LITAF: variants seen among roughly 807,000 people sequenced by gnomAD.
The protein encoded by LITAF is lipopolysaccharide-induced tumor necrosis factor-alpha factor.
A neutral mutation model predicts 14.5 loss-of-function variants in LITAF; 9 were observed. The ratio of observed to expected loss-of-function variants is 0.62; its 90% CI spans 0.37 to 1.08. The LOEUF is 1.08. Ranked by LOEUF, LITAF falls within the 50% of genes least tolerant of loss-of-function variation. LITAF has a pLI of 0.01. For synonymous variants in LITAF, 98 were observed against 88.2 expected, an observed-to-expected ratio of 1.11 and a Z score of -0.62; for missense variants, 206 against 213.4, an observed-to-expected ratio of 0.97 and a Z score of 0.22.
upstream of LITAF, among the ~76,000 whole-genome samples, chr16:11,601,541 C>T (rs1005718086): frequency 3.3e-5 from 5 of 152,072 alleles, no homozygotes; most frequent in East Asian, 9.6e-4. Context: ...CTGGTTCCTA[C>T]AAGGAAACAC....
Position 11,554,033 on chromosome 16 carries a change from T to G in LITAF, c.221-344A>C, listed in dbSNP as rs188433573. On this transcript the variant is annotated intron_variant, in intron 2 of 3. Coordinates refer to ENST00000622633, the MANE Select transcript of LITAF (RefSeq NM_001136472.2). ...ACTGCTTGAGCCTAGGAGTTTGAGA[T>G]CAGCCTAGGCAACATGACAAGACCT... Among the ~76,000 whole-genome samples the G allele has an allele frequency of 2.9e-4, 44 of 151,786 alleles. No homozygotes were observed. In the East Asian group the frequency reaches 8.6e-3, roughly 30 times the overall value.
At chr16:11,637,589 A>C (rs990714290), upstream of LITAF, among the ~76,000 whole-genome samples, 3 of 152,382 alleles carry the variant, frequency 2.0e-5, no homozygotes, top group Non-Finnish European at 4.4e-5. Flanking sequence ...CAGCACGTGC[A>C]CAAGCCTGCT....
At chr16:11,616,595 G>A (rs936605488) in intron 3 of LITAF, among the ~76,000 whole-genome samples, 2 of 152,040 alleles carry the variant, frequency 1.3e-5, no homozygotes, top group African/African-American at 4.8e-5. Context: ...AGCTCTGTCA[G>A]GTACGTGAGG....
rs780745690 is a variant in LITAF at position 11,548,050 on chromosome 16, C to T, written c.*1587G>A. ...TTCAAAAGCAGGTAACACCAAAGTA[C>T]TATGTGGTATCCATATTCGTTGCAA... On this transcript the variant is annotated 3_prime_UTR_variant, in exon 4 of 4. Transcript: ENST00000622633. The T allele has an allele frequency of 2.2e-6, 1 of 454,102 alleles. No individual in the cohort carries two copies. The highest frequency in any genetic ancestry group is 1.6e-5 in the South Asian group (1 of 64,482). 28.1% of individuals were successfully genotyped at this position (454,102 alleles called of 1,614,324 possible).
intron 3 of LITAF, among the ~76,000 whole-genome samples, chr16:11,550,339 C>G (rs2064164667): frequency 6.6e-6 from 1 of 152,224 alleles, no homozygotes; most frequent in Non-Finnish European, 1.5e-5. Flanking sequence ...ATCCACCCGC[C>G]TTGGCCTCCC....
chr16:11,611,880 G>T (rs2064984071), intron 3 of LITAF, among the ~76,000 whole-genome samples: 1 of 152,094 alleles, frequency 6.6e-6, no homozygotes, highest in Admixed American at 6.6e-5. Flanking sequence ...GTCCAGGCTG[G>T]TCTCAAACTC....
chr16:11,569,994 C>T (rs2064516573), intron 1 of LITAF, among the ~76,000 whole-genome samples: 1 of 151,054 alleles, frequency 6.6e-6, no homozygotes, highest in Non-Finnish European at 1.5e-5. Context: ...CGCACTGCTG[C>T]ACTCCCGCCT....
At chr16:11,639,223 G>A (rs1454788321), upstream of LITAF, among the ~76,000 whole-genome samples, 2 of 151,382 alleles carry the variant, frequency 1.3e-5, no homozygotes, top group Non-Finnish European at 2.9e-5. Context: ...ATGGTTAGAG[G>A]GAGAGAGGGA....
At chr16:11,602,360 A>G (rs889500806), upstream of LITAF, among the ~76,000 whole-genome samples, 7 of 152,170 alleles carry the variant, frequency 4.6e-5, no homozygotes, top group African/African-American at 1.7e-4. Flanking sequence ...CGTCTCAAAA[A>G]TATATAAATA....
intron 3 of LITAF, among the ~76,000 whole-genome samples, chr16:11,607,958 CTG>C (rs1189710538): frequency 6.6e-6 from 1 of 152,220 alleles, no homozygotes; most frequent in African/African-American, 2.4e-5. Context: ...TTAAGAACCC[CTG>C]TCCCAGCTCC....
intron 1 of LITAF, among the ~76,000 whole-genome samples, chr16:11,594,840 C>A (rs1274804977): frequency 6.6e-6 from 1 of 151,408 alleles, no homozygotes; most frequent in African/African-American, 2.4e-5. Context: ...CATGCCACTG[C>A]CCTCCAGCCT....
chr16:11,637,785 G>A (rs1247735775), upstream of LITAF, among the ~76,000 whole-genome samples: 1 of 150,624 alleles, frequency 6.6e-6, no homozygotes, highest in Non-Finnish European at 1.5e-5. Context: ...AGAGGCTGAG[G>A]TGGGAGCATC....
At chr16:11,617,343 C>T (rs1432563505) in intron 3 of LITAF, among the ~76,000 whole-genome samples, 1 of 152,000 alleles carries the variant, frequency 6.6e-6, no homozygotes, top group Non-Finnish European at 1.5e-5. Context: ...GTAAGGCTGC[C>T]CAGGCTTGCA....
At chr16:11,628,683 C>CT (rs35083001) in intron 3 of LITAF, among the ~76,000 whole-genome samples, 53,750 of 147,410 alleles carry the variant, frequency 0.36, 11,649 homozygotes, top group South Asian at 0.49. Flanking sequence ...TTTTTCTTTT[C>CT]TTTTTTTTTT....
At chr16:11,581,684 A>G (rs897742188) in intron 1 of LITAF, among the ~76,000 whole-genome samples, 2 of 152,152 alleles carry the variant, frequency 1.3e-5, no homozygotes, top group Admixed American at 6.6e-5. Flanking sequence ...GGGGTAAAGG[A>G]GAGTTTCTGA....
chr16:11,617,325 C>A (rs1239023474), intron 3 of LITAF, among the ~76,000 whole-genome samples: 1 of 152,036 alleles, frequency 6.6e-6, no homozygotes, highest in Non-Finnish European at 1.5e-5. Context: ...ATGAAAATGT[C>A]CCCCAGGGTA....
intron 1 of LITAF, among the ~76,000 whole-genome samples, chr16:11,569,826 A>T (rs1268293806): frequency 6.6e-6 from 1 of 152,188 alleles, no homozygotes; most frequent in Non-Finnish European, 1.5e-5. Flanking sequence ...TGAGGTCAGA[A>T]GTTCAAGACC....
At position 11,558,560 on chromosome 16, in the gene LITAF, T is replaced by C. The variant is rs550028340; in HGVS notation, c.-5-1825A>G. ...CTGTCTCTACAACGAATAAAAAAAG[T>C]AGCCAGGTGTAGTGGCACACACCTG... On this transcript the variant is annotated intron_variant, in intron 1 of 3. Transcript: ENST00000622633. This position sits in a 1 kb window ranked among gnomAD's most constrained non-coding sequence, Gnocchi z 4.1. 6.6e-6 allele frequency among the ~76,000 whole-genome samples: 1 copy of C among 151,730 alleles called. No individual in the cohort carries two copies. The highest frequency in any genetic ancestry group is 2.1e-4 in the South Asian group (1 of 4,786).
At chr16:11,625,921 C>T (rs919184224) in intron 3 of LITAF, among the ~76,000 whole-genome samples, 8 of 152,076 alleles carry the variant, frequency 5.3e-5, no homozygotes, top group African/African-American at 1.7e-4. Flanking sequence ...CTCATGACCC[C>T]AGTGCCCATG....
Sources: gnomAD v4.1 joint callset for allele counts (sites outside exome capture counted in the v4.1 genomes callset) on GRCh38, gnomAD v4.1.1 for gene constraint, Gnocchi (gnomAD v3.1) non-coding constraint, MANE v1.5 for transcripts, NCBI Gene and HGNC (gene_info 2026-07-23, HGNC 2026-07-21) for gene names.